Variants in RNF130 observed in about 807,000 individuals in gnomAD.
RNF130 encodes the protein E3 ubiquitin-protein ligase RNF130.
In RNF130, 21 loss-of-function variants were observed where a neutral mutation model predicts 44.6. The ratio of observed to expected loss-of-function variants is 0.47; its 90% CI spans 0.33 to 0.68. RNF130 has a LOEUF of 0.68. Ranked by LOEUF, RNF130 falls within the 30% of genes least tolerant of loss-of-function variation. RNF130 has a pLI of 0.02. For synonymous variants in RNF130, 214 were observed against 210.4 expected (o/e 1.02, Z -0.15); for missense variants, 479 against 560.6 (o/e 0.85, Z 1.47).
intron 5 of RNF130, among the ~76,000 whole-genome samples, chr5:179,973,121 C>T (rs1183060158): frequency 6.6e-6 from 1 of 152,176 alleles, no homozygotes. Flanking sequence ...CCTGACCCTA[C>T]CTCTGAGCAC....
intron 3 of RNF130, among the ~76,000 whole-genome samples, chr5:179,989,010 C>T (rs1389554373): frequency 6.6e-6 from 1 of 152,118 alleles, no homozygotes; most frequent in East Asian, 1.9e-4. Context: ...TGAGGAAATA[C>T]CCCAGACTGG....
At chr5:179,937,933 T>TGTGTGAGAGA (rs1268947878) in intron 7 of RNF130, among the ~76,000 whole-genome samples, 153 of 116,282 alleles carry the variant, frequency 1.3e-3, no homozygotes, top group South Asian at 1.7e-3. Context: ...TGTGTGTGTG[T>TGTGTGAGAGA]GAGAGAGAGA....
chr5:180,008,203 G>A (rs1763506513), intron 3 of RNF130, among the ~76,000 whole-genome samples: 1 of 151,892 alleles, frequency 6.6e-6, no homozygotes, highest in Non-Finnish European at 1.5e-5. Context: ...AAAAAGCCGA[G>A]AAAAGCCCAA....
At chr5:179,932,080 CT>C (rs1484209563) in intron 7 of RNF130, among the ~76,000 whole-genome samples, 2 of 152,032 alleles carry the variant, frequency 1.3e-5, no homozygotes, top group Non-Finnish European at 2.9e-5. Flanking sequence ...CTTTGTTTCA[CT>C]TTAGTTAAAA....
At chr5:179,959,674 G>A (rs1036787954) in intron 8 of RNF130, among the ~76,000 whole-genome samples, 1 of 151,852 alleles carries the variant, frequency 6.6e-6, no homozygotes, top group African/African-American at 2.4e-5. Context: ...AATACTGAGA[G>A]TAAAATAGAA....
At position 180,061,278 on chromosome 5, in the gene RNF130, C is replaced by A. The variant is rs531340642; in HGVS notation, c.247+10178G>T. On this transcript the variant is annotated intron_variant, in intron 1 of 8. Coordinates refer to ENST00000521389, the MANE Select transcript of RNF130 (RefSeq NM_018434.6). The stretch of plus-strand genomic sequence containing the variant: ...GCTCAGGATGGTCTTTTGGAAAAAA[C>A]CACAACAACTGACGTGACTTCAGGC... Among the ~76,000 whole-genome samples, 30 of 152,162 alleles carry A rather than the reference C, an allele frequency of 2.0e-4. No individual in the cohort carries two copies. In the South Asian group the frequency reaches 5.4e-3, roughly 27 times the overall value.
intron 3 of RNF130, among the ~76,000 whole-genome samples, chr5:179,998,697 T>C (rs575776498): frequency 1.7e-4 from 26 of 152,030 alleles, no homozygotes; most frequent in African/African-American, 6.0e-4. Context: ...TTGGATGAAA[T>C]ATATTGTAAA....
intron 1 of RNF130, among the ~76,000 whole-genome samples, chr5:180,064,710 C>T (rs941804616): frequency 1.3e-5 from 2 of 152,316 alleles, no homozygotes; most frequent in Middle Eastern, 3.4e-3. Flanking sequence ...CTGACTCCCT[C>T]GCCCTCCCTA....
intron 1 of RNF130, among the ~76,000 whole-genome samples, chr5:180,049,400 C>A (rs1467628905): frequency 6.6e-6 from 1 of 152,208 alleles, no homozygotes; most frequent in African/African-American, 2.4e-5. Context: ...TAAAATCTAA[C>A]TGAAATCTAG....
chr5:180,027,704 G>A (rs554512482), intron 2 of RNF130, among the ~76,000 whole-genome samples: 1 of 152,098 alleles, frequency 6.6e-6, no homozygotes, highest in Non-Finnish European at 1.5e-5. Context: ...CTCTCCACAC[G>A]TCACCTGTGG....
intron 7 of RNF130, among the ~76,000 whole-genome samples, chr5:179,943,740 A>C (rs1761996083): frequency 6.6e-6 from 1 of 152,356 alleles, no homozygotes; most frequent in South Asian, 2.1e-4. Context: ...TTATATTCTC[A>C]TAAGTAACTT....
chr5:180,021,735 C>T (rs1290311988), intron 2 of RNF130, among the ~76,000 whole-genome samples: 1 of 152,164 alleles, frequency 6.6e-6, no homozygotes, highest in African/African-American at 2.4e-5. Context: ...GATGCCTCAT[C>T]ACCCCCGAAT....
At chr5:179,972,733 C>G (rs1287348724) in intron 5 of RNF130, among the ~76,000 whole-genome samples, 1 of 152,166 alleles carries the variant, frequency 6.6e-6, no homozygotes, top group Non-Finnish European at 1.5e-5. Flanking sequence ...ATTGTTCCGT[C>G]TTTCTTTTCT....
intron 1 of RNF130, among the ~76,000 whole-genome samples, chr5:180,068,680 T>G (rs976893942): frequency 6.6e-6 from 1 of 152,108 alleles, no homozygotes; most frequent in East Asian, 1.9e-4. Context: ...AACAGGAAGG[T>G]TTCTAGTTTC....
intron 7 of RNF130, chr5:179,933,840 GT>G: frequency 3.8e-6 from 3 of 792,128 alleles, no homozygotes; most frequent in Non-Finnish European, 4.2e-6. Context: ...CCTCCTGTGT[GT>G]TTTTGTCTTG....
At chr5:180,065,518 T>TG (rs1272510835) in intron 1 of RNF130, among the ~76,000 whole-genome samples, 1 of 152,146 alleles carries the variant, frequency 6.6e-6, no homozygotes, top group Non-Finnish European at 1.5e-5. Context: ...CCCAGCACTT[T>TG]GGGAGGCCGA....
intron 1 of RNF130, among the ~76,000 whole-genome samples, chr5:180,050,299 C>T (rs10066848): frequency 1.9e-4 from 29 of 152,302 alleles, no homozygotes; most frequent in African/African-American, 5.5e-4. Context: ...CAGCAGGCTC[C>T]GCGCCCACAA....
chr5:180,007,545 C>T (rs1281217133), intron 3 of RNF130, among the ~76,000 whole-genome samples: 5 of 152,208 alleles, frequency 3.3e-5, no homozygotes, highest in African/African-American at 9.7e-5. Flanking sequence ...TCTTATTAAA[C>T]TTTAATAAGC....
chr5:179,954,085 C>T (rs954217163), downstream of RNF130, among the ~76,000 whole-genome samples: 1 of 152,184 alleles, frequency 6.6e-6, no homozygotes, highest in African/African-American at 2.4e-5. Flanking sequence ...AGAAAAAAGA[C>T]AGGCAGTCAC....
Sources: allele counts gnomAD v4.1 joint callset (sites outside exome capture counted in the v4.1 genomes callset), GRCh38; gene constraint gnomAD v4.1.1; transcripts MANE v1.5; gene names NCBI Gene and HGNC (gene_info 2026-07-23, HGNC 2026-07-21).